Variants in TEK observed in about 807,000 individuals in gnomAD.
TEK encodes TEK receptor tyrosine kinase, also known as angiopoietin-1 receptor.
In TEK, 43 loss-of-function variants were observed where a neutral mutation model predicts 131.8. The observed-to-expected ratio is 0.33, with a 90% CI of 0.26 to 0.42. The LOEUF (loss-of-function observed/expected upper bound fraction) is 0.42. Among genes scored for constraint, TEK ranks in the 10% least tolerant of loss-of-function variants. TEK has a pLI of 1.00. For synonymous variants in TEK, 580 were observed against 491.6 expected, an observed-to-expected ratio of 1.18 and a Z score of -2.38; for missense variants, 1,162 against 1,384.4, an observed-to-expected ratio of 0.84 and a Z score of 2.55.
At chr9:27,163,145 T>C (rs536708522) in intron 2 of TEK, among the ~76,000 whole-genome samples, 2 of 152,346 alleles carry the variant, frequency 1.3e-5, no homozygotes, top group East Asian at 3.9e-4. Context: ...TGAGGACTTT[T>C]AAGACCCCAC....
At chr9:27,182,768 G>A (rs1824436027) in intron 7 of TEK, among the ~76,000 whole-genome samples, 1 of 152,154 alleles carries the variant, frequency 6.6e-6, no homozygotes, top group Admixed American at 6.5e-5. Context: ...GTAGATGTTA[G>A]GCAAGAAATC....
intron 1 of TEK, among the ~76,000 whole-genome samples, chr9:27,111,012 A>T (rs139007865): frequency 6.6e-6 from 1 of 152,122 alleles, no homozygotes; most frequent in Non-Finnish European, 1.5e-5. Flanking sequence ...CCAGGTGTCT[A>T]TAGTTTCTCT....
chr9:27,218,697 G>A (rs1279775989), intron 19 of TEK, 80 bp from the exon 20 acceptor site: 8 of 1,465,966 alleles, frequency 5.5e-6, no homozygotes, highest in Non-Finnish European at 6.7e-6. Flanking sequence ...GAAAGGGTGG[G>A]TCTCCCTGGC....
chr9:27,155,449 C>G (rs1438357615), intron 1 of TEK, among the ~76,000 whole-genome samples: 1 of 152,306 alleles, frequency 6.6e-6, no homozygotes, highest in Middle Eastern at 3.4e-3. Flanking sequence ...CAATAAAATG[C>G]AGGTGTAACT....
chr9:27,227,793 TTTG>T (rs1826396799), intron 21 of TEK, among the ~76,000 whole-genome samples: 1 of 152,176 alleles, frequency 6.6e-6, no homozygotes, highest in Admixed American at 6.6e-5. Flanking sequence ...CAGGCATTTT[TTTG>T]TTTTTAATGA....
At chr9:27,113,287 C>A (rs1032879413) in intron 1 of TEK, among the ~76,000 whole-genome samples, 16 of 152,074 alleles carry the variant, frequency 1.1e-4, no homozygotes, top group African/African-American at 3.6e-4. Context: ...CCAGTGAGAA[C>A]TCTCTTAATA....
intron 1 of TEK, among the ~76,000 whole-genome samples, chr9:27,136,750 T>C (rs1198766073): frequency 1.3e-5 from 2 of 152,190 alleles, no homozygotes; most frequent in African/African-American, 4.8e-5. Flanking sequence ...CTGCATACTG[T>C]ATTGCTTGGC....
At chr9:27,184,866 C>T (rs1179057569) in intron 8 of TEK, among the ~76,000 whole-genome samples, 1 of 151,854 alleles carries the variant, frequency 6.6e-6, no homozygotes, top group Non-Finnish European at 1.5e-5. Flanking sequence ...AGCAAGACCC[C>T]ATCTCTTAAA....
intron 2 of TEK, among the ~76,000 whole-genome samples, chr9:27,162,536 C>G (rs1020236146): frequency 1.3e-5 from 2 of 152,102 alleles, no homozygotes. Context: ...TTATTTTATT[C>G]CTACTTTCAT....
At chr9:27,170,033 A>C (rs962898544) in intron 4 of TEK, among the ~76,000 whole-genome samples, 3 of 152,194 alleles carry the variant, frequency 2.0e-5, no homozygotes, top group Non-Finnish European at 4.4e-5. Context: ...AGACATCAGG[A>C]AATTTACAAT....
At chr9:27,179,799 G>C in intron 6 of TEK, among the ~76,000 whole-genome samples, 1 of 152,148 alleles carries the variant, frequency 6.6e-6, no homozygotes, top group South Asian at 2.1e-4. Context: ...TCCTGACTCT[G>C]TCTCTGATGC....
chr9:27,118,266 T>C (rs552307910), intron 1 of TEK, among the ~76,000 whole-genome samples: 1 of 152,316 alleles, frequency 6.6e-6, no homozygotes, highest in South Asian at 2.1e-4. Context: ...AACTTTACAC[T>C]ATAGGTATTA....
chr9:27,183,954 T>A (rs1189135054), intron 8 of TEK, among the ~76,000 whole-genome samples: 1 of 152,184 alleles, frequency 6.6e-6, no homozygotes, highest in Non-Finnish European at 1.5e-5. Context: ...TGTCCCCATA[T>A]CTCTAACTAC....
intron 21 of TEK, among the ~76,000 whole-genome samples, chr9:27,227,020 G>C (rs1815942891): frequency 6.6e-6 from 1 of 152,146 alleles, no homozygotes; most frequent in South Asian, 2.1e-4. Context: ...ACCATCACTA[G>C]ACAGTCCCTA....
intron 11 of TEK, among the ~76,000 whole-genome samples, chr9:27,194,763 T>C (rs1177763205): frequency 2.0e-5 from 3 of 152,194 alleles, no homozygotes; most frequent in African/African-American, 7.2e-5. Flanking sequence ...AAGGGGATTA[T>C]TGAAGGTTCT....
At chr9:27,152,164 CA>C (rs1253182523) in intron 1 of TEK, among the ~76,000 whole-genome samples, 1 of 152,044 alleles carries the variant, frequency 6.6e-6, no homozygotes, top group Admixed American at 6.6e-5. Context: ...ACCAAATTTC[CA>C]AAAAACCATA....
intron 1 of TEK, among the ~76,000 whole-genome samples, chr9:27,119,693 C>T (rs887672640): frequency 3.3e-5 from 5 of 152,152 alleles, no homozygotes; most frequent in Non-Finnish European, 5.9e-5. Context: ...CCTGCCAGCC[C>T]CCAGTTTCCT....
intron 12 of TEK, among the ~76,000 whole-genome samples, chr9:27,199,287 G>C (rs1825135522): frequency 2.0e-5 from 3 of 152,118 alleles, no homozygotes; most frequent in Non-Finnish European, 2.9e-5. Context: ...CTTTTAGAGG[G>C]AGATGTAGGT....
chr9:27,138,033 C>G (rs948308704), intron 1 of TEK, among the ~76,000 whole-genome samples: 11 of 152,136 alleles, frequency 7.2e-5, no homozygotes, highest in African/African-American at 2.4e-4. Context: ...GTGAGTGTTA[C>G]AGCTCTTAAA....
Sources: allele counts gnomAD v4.1 joint callset (sites outside exome capture counted in the v4.1 genomes callset), GRCh38; gene constraint gnomAD v4.1.1; transcripts MANE v1.5; gene names NCBI Gene and HGNC (gene_info 2026-07-23, HGNC 2026-07-21).